The following LVRN variants were observed in gnomAD, a reference collection of about 807,000 sequenced individuals.
The protein encoded by LVRN is laeverin, also known as aminopeptidase Q.
Under a neutral mutation model 111.4 loss-of-function variants are expected in LVRN, and 99 were observed. The ratio of observed to expected loss-of-function variants is 0.89; its 90% CI spans 0.76 to 1.05. LVRN has a LOEUF of 1.05. LVRN is among the 50% of genes least tolerant of loss of function. The pLI is 0.00. For synonymous variants in LVRN, 488 were observed against 449.5 expected (o/e 1.09, Z -1.08); for missense variants, 1,414 against 1,206.8 (o/e 1.17, Z -2.54).
At chr5:116,004,908 A>T (rs1012373755) in intron 12 of LVRN, among the ~76,000 whole-genome samples, 33 of 152,358 alleles carry the variant, frequency 2.2e-4, no homozygotes, top group African/African-American at 7.7e-4. Context: ...TTTTGAATAA[A>T]ACTACAAAGG....
intron 1 of LVRN, among the ~76,000 whole-genome samples, chr5:115,977,829 T>G (rs1753479832): frequency 6.6e-6 from 1 of 152,230 alleles, no homozygotes; most frequent in Non-Finnish European, 1.5e-5. Context: ...ATGAGAGAAC[T>G]CATACACTCC....
chr5:115,962,833 CA>C lies in LVRN; in HGVS notation c.217del (p.Ser73AlafsTer6). ...AGAAGCCGACGCCAACCCCGAAACCCAGCAGTGCACGCGAGCTAGCGGTGAC... is the reference window on the plus strand; with the variant it reads ...AGAAGCCGACGCCAACCCCGAAACCCGCAGTGCACGCGAGCTAGCGGTGAC... ...RQKPTPTPKP[S>X]SARELAVTTT... On this transcript the variant is annotated frameshift_variant, in exon 1 of 20. Transcript: ENST00000357872. LOFTEE classifies it high-confidence loss of function. The C allele has an allele frequency of 6.2e-7, 1 of 1,613,038 alleles. No individual in the cohort carries two copies. Among genetic ancestry groups the C allele is most frequent in the Non-Finnish European group, 8.5e-7 (1 of 1,179,764 alleles).
At chr5:116,011,919 G>A (rs555612829) in intron 14 of LVRN, among the ~76,000 whole-genome samples, 1 of 152,168 alleles carries the variant, frequency 6.6e-6, no homozygotes, top group South Asian at 2.1e-4. Flanking sequence ...GGGCTTCAGT[G>A]TGTCCAGGAC....
At chr5:115,999,683 G>A in intron 6 of LVRN, 79 bp from the exon 7 acceptor site, 1 of 1,481,084 alleles carries the variant, frequency 6.8e-7, no homozygotes, top group Non-Finnish European at 9.2e-7. Context: ...ATCAGTTTTT[G>A]AAAGTATTTT....
chr5:116,022,338 C>T, intron 18 of LVRN, 53 bp from the exon 19 acceptor site: 1 of 1,309,214 alleles, frequency 7.6e-7, no homozygotes, highest in Non-Finnish European at 1.1e-6. Flanking sequence ...TAAAATATAG[C>T]TTTATTTTGC....
chr5:115,971,070 T>A (rs1397641964), intron 1 of LVRN, among the ~76,000 whole-genome samples: 1 of 152,204 alleles, frequency 6.6e-6, no homozygotes, highest in African/African-American at 2.4e-5. Flanking sequence ...GTGTATAGTG[T>A]TCTTCATTAC....
rs1748331865 is a variant in LVRN at position 116,005,114 on chromosome 5, G to C, written c.2038-798G>C. On this transcript the variant is annotated intron_variant, in intron 12 of 19. Coordinates refer to ENST00000357872, the MANE Select transcript of LVRN (RefSeq NM_173800.5). ...ACATAATTGGTGAGCAAATAAAAGA[G>C]AATCTTTATGATTAATATTAATCTA... 2.0e-5 allele frequency among the ~76,000 whole-genome samples: 3 copies of C among 152,274 alleles called. 1 individual carries two copies. The Middle Eastern group carries it at 0.01, about 518-fold the overall frequency.
At chr5:116,007,207 A>G (rs991801079) in intron 13 of LVRN, among the ~76,000 whole-genome samples, 11 of 152,226 alleles carry the variant, frequency 7.2e-5, no homozygotes, top group East Asian at 3.9e-4. Context: ...TTAGACATCA[A>G]TTTCATTATG....
intron 6 of LVRN, among the ~76,000 whole-genome samples, chr5:115,996,792 G>C (rs1748122958): frequency 6.6e-6 from 1 of 152,262 alleles, no homozygotes; most frequent in South Asian, 2.1e-4. Context: ...GAAGGGAAAA[G>C]GTACATATGG....
intron 3 of LVRN, among the ~76,000 whole-genome samples, chr5:115,984,939 T>C (rs576427613): frequency 2.6e-4 from 39 of 152,310 alleles, no homozygotes; most frequent in African/African-American, 8.9e-4. Flanking sequence ...AGCCCACTCA[T>C]CAAGGCAAGG....
chr5:116,013,697 C>G (rs556207752), intron 15 of LVRN, among the ~76,000 whole-genome samples: 19 of 152,268 alleles, frequency 1.2e-4, no homozygotes, highest in African/African-American at 3.6e-4. Flanking sequence ...AGAGATTTGG[C>G]GCTTGCGTTT....
chr5:115,993,619 T>C (rs1328538287), intron 5 of LVRN, 122 bp from the exon 6 acceptor site: 12 of 651,016 alleles, frequency 1.8e-5, no homozygotes, highest in African/African-American at 1.7e-4. Flanking sequence ...AGTTTTGTTA[T>C]TGATGGCAAA....
chr5:115,999,228 T>A (rs991007161), intron 6 of LVRN, among the ~76,000 whole-genome samples: 1 of 152,242 alleles, frequency 6.6e-6, no homozygotes, highest in Non-Finnish European at 1.5e-5. Flanking sequence ...TGGTTTTTAT[T>A]AAAATATAAT....
At chr5:115,996,793 G>A (rs2112593743) in intron 6 of LVRN, among the ~76,000 whole-genome samples, 1 of 152,250 alleles carries the variant, frequency 6.6e-6, no homozygotes, top group African/African-American at 2.4e-5. Flanking sequence ...AAGGGAAAAG[G>A]TACATATGGG....
At chr5:115,965,129 A>G (rs1753175596) in intron 1 of LVRN, among the ~76,000 whole-genome samples, 1 of 152,188 alleles carries the variant, frequency 6.6e-6, no homozygotes. Context: ...TAAATGAAAA[A>G]GGGAGTACAC....
intron 19 of LVRN, among the ~76,000 whole-genome samples, chr5:116,025,043 T>C (rs969704802): frequency 2.0e-5 from 3 of 151,862 alleles, no homozygotes; most frequent in African/African-American, 7.3e-5. Context: ...CCACCTACAA[T>C]CCCAAACACC....
At chr5:116,004,863 A>G (rs1259343750) in intron 12 of LVRN, among the ~76,000 whole-genome samples, 1 of 152,240 alleles carries the variant, frequency 6.6e-6, no homozygotes, top group Non-Finnish European at 1.5e-5. Context: ...TCAGGGATTC[A>G]TAACATGTTC....
chr5:115,977,127 T>C (rs1468020874), intron 1 of LVRN, among the ~76,000 whole-genome samples: 1 of 152,228 alleles, frequency 6.6e-6, no homozygotes, highest in African/African-American at 2.4e-5. Context: ...TCTCTTTGCC[T>C]GACCTCATGA....
intron 1 of LVRN, 32 bp downstream of exon 1, chr5:115,963,344 G>GC (rs771836742): frequency 6.6e-7 from 1 of 1,513,018 alleles, no homozygotes; most frequent in African/African-American, 1.4e-5. Flanking sequence ...GCCCCTCTCG[G>GC]CCCCCGCCCC....
Sources: allele counts gnomAD v4.1 joint callset (sites outside exome capture counted in the v4.1 genomes callset), GRCh38; gene constraint gnomAD v4.1.1; transcripts MANE v1.5; gene names NCBI Gene and HGNC (gene_info 2026-07-23, HGNC 2026-07-21).